The following LRRC49 variants were observed in gnomAD, a reference collection of about 807,000 sequenced individuals.
The protein encoded by LRRC49 is leucine rich repeat containing 49, also known as leucine-rich repeat-containing protein 49.
Under a neutral mutation model 83.3 loss-of-function variants are expected in LRRC49, and 50 were observed. The observed-to-expected ratio is 0.60, with a 90% CI of 0.48 to 0.76. LRRC49 has a LOEUF of 0.76. LRRC49 is among the 30% of genes least tolerant of loss of function. The pLI, the probability that LRRC49 is intolerant of heterozygous loss-of-function variation, is 0.00. For missense variants in LRRC49, 704 were observed against 809.1 expected (o/e 0.87, Z 1.58); for synonymous variants, 286 against 283.3 (o/e 1.01, Z -0.10).
chr15:70,933,050 T>G (rs1437232331), intron 7 of LRRC49, among the ~76,000 whole-genome samples: 1 of 152,238 alleles, frequency 6.6e-6, no homozygotes, highest in African/African-American at 2.4e-5. Flanking sequence ...TTATGCAGTT[T>G]AGGGATATGG....
chr15:70,898,689 A>G (rs1372767893), intron 3 of LRRC49, among the ~76,000 whole-genome samples: 1 of 152,118 alleles, frequency 6.6e-6, no homozygotes, highest in African/African-American at 2.4e-5. Flanking sequence ...AGGCTGAGGT[A>G]GGAGGATCAC....
At chr15:70,915,635 C>G (rs2141128292) in intron 6 of LRRC49, among the ~76,000 whole-genome samples, 1 of 152,200 alleles carries the variant, frequency 6.6e-6, no homozygotes, top group South Asian at 2.1e-4. Flanking sequence ...ATTACTTTTT[C>G]TACAGTATCT....
chr15:70,901,350 G>A (rs923874298), intron 4 of LRRC49, among the ~76,000 whole-genome samples: 5 of 152,128 alleles, frequency 3.3e-5, no homozygotes, highest in Non-Finnish European at 7.4e-5. Context: ...GCCCTATCCA[G>A]TCTAGTTTCC....
chr15:70,859,805 C>T, intron 1 of LRRC49: 1 of 753,092 alleles, frequency 1.3e-6, no homozygotes. Flanking sequence ...ATGGGCCAGG[C>T]AGGATATGGT....
intron 2 of LRRC49, chr15:70,882,423 A>G (rs747705301): frequency 4.6e-6 from 7 of 1,514,098 alleles, no homozygotes; most frequent in Non-Finnish European, 5.4e-6. Context: ...TTGAAAATCT[A>G]TAGCACATCA....
intron 9 of LRRC49, among the ~76,000 whole-genome samples, chr15:70,970,225 A>G (rs998909550): frequency 6.6e-6 from 1 of 152,132 alleles, no homozygotes; most frequent in African/African-American, 2.4e-5. Context: ...TTCTGCATCT[A>G]TTGAGATAAT....
intron 9 of LRRC49, among the ~76,000 whole-genome samples, chr15:70,966,003 T>G (rs1008861023): frequency 2.6e-5 from 4 of 152,232 alleles, no homozygotes; most frequent in African/African-American, 9.6e-5. Context: ...GCCCATTCAT[T>G]TATGTATTAT....
intron 1 of LRRC49, among the ~76,000 whole-genome samples, chr15:70,862,045 G>C (rs1246464240): frequency 6.6e-6 from 1 of 152,206 alleles, no homozygotes; most frequent in African/African-American, 2.4e-5. Context: ...CACAGGCACA[G>C]GTACTCATTT....
rs182130428 is a variant in LRRC49 at position 70,969,544 on chromosome 15, A to G, written c.921+5612A>G. On this transcript the variant is annotated intron_variant, in intron 9 of 15. Transcript: ENST00000260382. ...AAGTCAATGGTAGCTTGATGGGATT[A>G]GCATTAAATATATAAATTACTTTGG... 1.3e-5 allele frequency among the ~76,000 whole-genome samples: 2 copies of G among 152,214 alleles called. 1 individual carries two copies. Among genetic ancestry groups the G allele is most frequent in the African/African-American group, 4.8e-5 (2 of 41,562 alleles).
intron 8 of LRRC49, among the ~76,000 whole-genome samples, chr15:70,942,601 A>C (rs1396999299): frequency 2.6e-5 from 4 of 152,192 alleles, no homozygotes; most frequent in African/African-American, 4.8e-5. Flanking sequence ...AAGAGAGTCA[A>C]ACTCTGTAAA....
intron 8 of LRRC49, among the ~76,000 whole-genome samples, chr15:70,959,607 G>C (rs2036537094): frequency 8.1e-6 from 1 of 122,722 alleles, no homozygotes; most frequent in South Asian, 2.9e-4. Context: ...GGAAGGGAGG[G>C]AAATTCCAGT....
rs1596099774 is a variant in LRRC49 at position 70,984,463 on chromosome 15, T to A, written c.1169+206T>A. On this transcript the variant is annotated intron_variant, in intron 11 of 15. Transcript: ENST00000260382. Reference sequence around the variant, plus strand: ...AACATGCTTCATAGGGCATTTCATATTTTTTATAGGGAAAAGTCTAGATTT... The same window carrying A: ...AACATGCTTCATAGGGCATTTCATAATTTTTATAGGGAAAAGTCTAGATTT... 1.2e-5 allele frequency: 5 copies of A among 429,586 alleles called. No homozygotes were observed. In the South Asian group the frequency reaches 1.8e-4, roughly 16 times the overall value. The allele number at this position is 429,586 out of a possible 1,614,324, so 26.6% of individuals were successfully genotyped here. A position where few individuals can be genotyped will look rare whatever the true frequency, so the allele number is the denominator to read the frequency against.
At chr15:70,987,400 T>C (rs1487825591) in intron 11 of LRRC49, among the ~76,000 whole-genome samples, 1 of 152,260 alleles carries the variant, frequency 6.6e-6, no homozygotes, top group East Asian at 1.9e-4. Flanking sequence ...CCATTTCTTC[T>C]AGATTTTCTA....
intron 15 of LRRC49, among the ~76,000 whole-genome samples, chr15:71,040,624 C>T (rs531885839): frequency 1.3e-5 from 2 of 152,002 alleles, no homozygotes; most frequent in African/African-American, 4.8e-5. Flanking sequence ...TCGAGACCAT[C>T]CTGGCTAACA....
chr15:70,858,688 G>A lies in LRRC49; in HGVS notation c.-299+5219G>A, dbSNP rs570213007. 3.6e-4 allele frequency: 226 copies of A among 621,922 alleles called. No homozygotes were observed. In the South Asian group the frequency reaches 4.3e-3, roughly 12 times the overall value. 38.5% of individuals were successfully genotyped at this position (621,922 alleles called of 1,614,324 possible). A position where few individuals can be genotyped will look rare whatever the true frequency, so the allele number is the denominator to read the frequency against. On this transcript the variant is annotated intron_variant, in intron 1 of 16. Coordinates refer to the LRRC49 transcript ENST00000544974. ...CTGGAATCTCCGCCTGGTTCAGCCC[G>A]CCTGCCTCCACTCCTGCCTCCACCA...
intron 7 of LRRC49, among the ~76,000 whole-genome samples, chr15:70,932,726 C>CTTTTTTTTTTTTTTTTTTTTTTTTTTGT (rs5813614): frequency 1.0e-5 from 1 of 97,202 alleles, no homozygotes. Context: ...CTTTCTCTGT[C>CTTTTTTTTTTTTTTTTTTTTTTTTTTGT]TTTTTTTTTT....
chr15:70,943,457 C>T (rs1221831314), intron 8 of LRRC49, among the ~76,000 whole-genome samples: 2 of 151,988 alleles, frequency 1.3e-5, no homozygotes, highest in South Asian at 2.1e-4. Flanking sequence ...GATCAAGTGC[C>T]CAGTTTGGCC....
intron 8 of LRRC49, among the ~76,000 whole-genome samples, chr15:70,952,283 A>G (rs1057214213): frequency 2.6e-5 from 4 of 151,758 alleles, no homozygotes; most frequent in African/African-American, 9.7e-5. Flanking sequence ...TGTAGTCTGA[A>G]TTAGAGAGTA....
intron 11 of LRRC49, among the ~76,000 whole-genome samples, chr15:71,007,927 A>G (rs995828871): frequency 6.6e-6 from 1 of 151,536 alleles, no homozygotes; most frequent in Non-Finnish European, 1.5e-5. Flanking sequence ...GAAATAAACT[A>G]TTTTTAGCAG....
Sources: gnomAD v4.1 joint callset for allele counts (sites outside exome capture counted in the v4.1 genomes callset) on GRCh38, gnomAD v4.1.1 for gene constraint, MANE v1.5 for transcripts, NCBI Gene and HGNC (gene_info 2026-07-23, HGNC 2026-07-21) for gene names.